Variants in CA5A observed in about 807,000 individuals in gnomAD.
CA5A encodes carbonic anhydrase 5A, mitochondrial.
Under a neutral mutation model 37.1 loss-of-function variants are expected in CA5A, and 28 were observed. That is an observed-to-expected ratio of 0.75 (90% CI 0.56 to 1.03). The LOEUF (loss-of-function observed/expected upper bound fraction) is 1.03, where lower values mean the gene tolerates loss of function less well. Among genes scored for constraint, CA5A ranks in the 50% least tolerant of loss-of-function variants. The probability of loss-of-function intolerance (pLI) is 0.00; values close to 1 mark genes in which losing one functional copy is unlikely to be tolerated. For synonymous variants in CA5A, 171 were observed against 158.4 expected, an observed-to-expected ratio of 1.08 and a Z score of -0.60; for missense variants, 444 against 399.9, an observed-to-expected ratio of 1.11 and a Z score of -0.94.
intron 2 of CA5A, chr16:87,923,526 C>T (rs750092502): frequency 2.5e-5 from 25 of 984,754 alleles, no homozygotes; most frequent in Non-Finnish European, 2.9e-5. Context: ...ACATACCTTC[C>T]TCCTTCTAGG....
chr16:87,912,040 A>G (rs2056059456), intron 2 of CA5A, among the ~76,000 whole-genome samples: 1 of 152,106 alleles, frequency 6.6e-6, no homozygotes, highest in Admixed American at 6.6e-5. Context: ...GGTGGCTCAT[A>G]CCTGTAATCC....
At chr16:87,918,760 T>C (rs1258693867) in intron 2 of CA5A, among the ~76,000 whole-genome samples, 2 of 152,126 alleles carry the variant, frequency 1.3e-5, no homozygotes, top group Non-Finnish European at 2.9e-5. Context: ...TGAAAACCTT[T>C]CTCTAGCCCT....
Position 87,926,812 on chromosome 16 carries a change from G to A in CA5A, c.276C>T (p.Cys92=), listed in dbSNP as rs377640951. ...PLRVSYEAAS[C]LYIWNTGYLF... ...GGTAGCCAGTGTTCCAGATGTACAGGCAGGATGCCGCTTCATAGGAGACCC... is the reference window on the plus strand; with the variant it reads ...GGTAGCCAGTGTTCCAGATGTACAGACAGGATGCCGCTTCATAGGAGACCC... Residue 92 remains cysteine (C), a synonymous_variant, in exon 2 of 7, where the codon TGC becomes TGT. Transcript: ENST00000649794. The A allele has an allele frequency of 6.2e-7, 1 of 1,614,174 alleles. No individual in the cohort carries two copies. Among genetic ancestry groups the A allele is most frequent in the Non-Finnish European group, 8.5e-7 (1 of 1,180,006 alleles).
chr16:87,889,218 C>A (rs956440519), intron 6 of CA5A, among the ~76,000 whole-genome samples: 41 of 151,872 alleles, frequency 2.7e-4, no homozygotes, highest in African/African-American at 9.9e-4. Context: ...CTGTGCTAGG[C>A]CTAATTTTGT....
chr16:87,928,957 G>A (rs1175697125), intron 1 of CA5A, among the ~76,000 whole-genome samples: 1 of 149,640 alleles, frequency 6.7e-6, no homozygotes, highest in East Asian at 2.0e-4. Context: ...TTTTCATAGA[G>A]ACGGGGTTTC....
At chr16:87,908,989 A>ATTTTTTTTTTTTTTTTTTTTT (rs60201296) in intron 2 of CA5A, among the ~76,000 whole-genome samples, 2 of 139,360 alleles carry the variant, frequency 1.4e-5, no homozygotes, top group African/African-American at 5.4e-5. Context: ...ACACCCGGCT[A>ATTTTTTTTTTTTTTTTTTTTT]TTTTTTTTTT....
chr16:87,890,553 A>C (rs1335000995), intron 6 of CA5A, among the ~76,000 whole-genome samples: 1 of 152,218 alleles, frequency 6.6e-6, no homozygotes, highest in African/African-American at 2.4e-5. Context: ...TGCCTTGGAC[A>C]GACAGAATTG....
intron 5 of CA5A, among the ~76,000 whole-genome samples, chr16:87,896,648 TATTG>T (rs1167416795): frequency 6.6e-6 from 1 of 151,934 alleles, no homozygotes; most frequent in African/African-American, 2.4e-5. Flanking sequence ...TTTATTTATT[TATTG>T]TTTTTGAGAC....
At chr16:87,935,602 G>A (rs1205246400) in intron 1 of CA5A, among the ~76,000 whole-genome samples, 4 of 152,206 alleles carry the variant, frequency 2.6e-5, no homozygotes, top group African/African-American at 4.8e-5. Flanking sequence ...GTGGCCAGGC[G>A]CGGTGGCTCA....
At chr16:87,934,218 C>G (rs2056442502) in intron 1 of CA5A, among the ~76,000 whole-genome samples, 1 of 152,240 alleles carries the variant, frequency 6.6e-6, no homozygotes, top group African/African-American at 2.4e-5. Context: ...CCGTAAGCAC[C>G]ATTATCAACC....
intron 2 of CA5A, among the ~76,000 whole-genome samples, chr16:87,915,050 C>G (rs953128236): frequency 6.6e-6 from 1 of 152,260 alleles, no homozygotes; most frequent in Admixed American, 6.5e-5. Flanking sequence ...GAGCGTTTCA[C>G]GGACATGGCC....
At chr16:87,893,127 T>C in intron 5 of CA5A, 1 of 476,502 alleles carries the variant, frequency 2.1e-6, no homozygotes. Flanking sequence ...TCTTTCTTCC[T>C]TTCTTTCTTT....
rs1306373794 is a variant in CA5A at position 87,911,119 on chromosome 16, AAG to A, written c.341-6217_341-6216del. 1.4e-5 allele frequency among the ~76,000 whole-genome samples: 2 copies of A among 147,416 alleles called. No individual in the cohort carries two copies. The highest frequency in any genetic ancestry group is 1.5e-5 in the Non-Finnish European group (1 of 67,098). On this transcript the variant is annotated intron_variant, in intron 2 of 6. Transcript: ENST00000649794. The surrounding 1 kb of genome is among the most constrained non-coding windows in gnomAD (Gnocchi z 4.6). ...TTAATCAAAAAAAAAAAAAAAAAAA[AAG>A]GCAAGCCCAATTCACGAAAAGGGGT...
downstream of CA5A, chr16:87,883,585 C>T (rs1161931155): frequency 2.6e-5 from 4 of 151,720 alleles, no homozygotes; most frequent in Admixed American, 2.6e-4. Context: ...CTGCCTCAGC[C>T]TTCCAAAGTG....
intron 2 of CA5A, among the ~76,000 whole-genome samples, chr16:87,907,397 G>C (rs1038301881): frequency 1.3e-5 from 2 of 152,242 alleles, no homozygotes; most frequent in East Asian, 1.9e-4. Context: ...TGCATTGATG[G>C]GTGACTGAGG....
chr16:87,888,661 T>A (rs574374754), intron 6 of CA5A, among the ~76,000 whole-genome samples: 1 of 152,300 alleles, frequency 6.6e-6, no homozygotes, highest in South Asian at 2.1e-4. Flanking sequence ...CAGTCCCAGC[T>A]GACACTGGGC....
chr16:87,899,644 G>A (rs1353344547), intron 5 of CA5A, among the ~76,000 whole-genome samples: 1 of 150,272 alleles, frequency 6.7e-6, no homozygotes, highest in Non-Finnish European at 1.5e-5. Context: ...ACTCGGCCAG[G>A]TGCGGTGGTT....
In CA5A at chr16:87,915,563, C is replaced by T. The variant is rs954135310; in HGVS notation, c.341-10659G>A. ...TTTTTTTTTTTTTTTGTGGCTCACA[C>T]CTGTAGATGCAACTACCCAGGAGGC... On this transcript the variant is annotated intron_variant, in intron 2 of 6. Coordinates refer to ENST00000649794, the MANE Select transcript of CA5A (RefSeq NM_001739.2). Among the ~76,000 whole-genome samples, 8 of 119,032 alleles carry T rather than the reference C, an allele frequency of 6.7e-5. No individual in the cohort carries two copies. The Admixed American group carries it at 7.6e-4, about 11-fold the overall frequency. 78.1% of individuals were successfully genotyped at this position (119,032 alleles called of 152,430 possible).
At chr16:87,913,230 C>T (rs961067228) in intron 2 of CA5A, among the ~76,000 whole-genome samples, 12 of 151,914 alleles carry the variant, frequency 7.9e-5, no homozygotes, top group Admixed American at 2.0e-4. Flanking sequence ...CCACCTGCCT[C>T]GGCCTCCCAA....
Sources: gnomAD v4.1 joint callset for allele counts (sites outside exome capture counted in the v4.1 genomes callset) on GRCh38, gnomAD v4.1.1 for gene constraint, Gnocchi (gnomAD v3.1) non-coding constraint, MANE v1.5 for transcripts, NCBI Gene and HGNC (gene_info 2026-07-23, HGNC 2026-07-21) for gene names.